The following RGL1 variants were observed in gnomAD, a reference collection of about 807,000 sequenced individuals.
RGL1 encodes the protein ral guanine nucleotide dissociation stimulator-like 1.
RGL1 carries 24 observed loss-of-function variants against 95.2 expected under a neutral mutation model. That is an observed-to-expected ratio of 0.25 (90% CI 0.18 to 0.35). The LOEUF is 0.35. Among genes scored for constraint, RGL1 ranks in the 10% least tolerant of loss-of-function variants. The pLI is 1.00. For missense variants in RGL1, 715 were observed against 936.3 expected (o/e 0.76, Z 3.08); for synonymous variants, 329 against 344.9 (o/e 0.95, Z 0.51).
intron 1 of RGL1, among the ~76,000 whole-genome samples, chr1:183,717,617 A>C (rs1043704284): frequency 6.6e-6 from 1 of 152,202 alleles, no homozygotes; most frequent in African/African-American, 2.4e-5. Flanking sequence ...CCTAAGAGAA[A>C]ATTCTATAGC....
At chr1:183,718,160 C>T (rs1348062609) in intron 1 of RGL1, among the ~76,000 whole-genome samples, 4 of 151,130 alleles carry the variant, frequency 2.6e-5, no homozygotes, top group East Asian at 2.0e-4. Context: ...GCAGGAGAAT[C>T]GCTTGAACCT....
chr1:183,641,753 G>C (rs1243818357), intron 1 of RGL1, among the ~76,000 whole-genome samples: 1 of 150,232 alleles, frequency 6.7e-6, no homozygotes, highest in Non-Finnish European at 1.5e-5. Context: ...GTTTTTGAAA[G>C]TTAGAGTGTG....
At chr1:183,688,423 C>T (rs1653746541) in intron 1 of RGL1, among the ~76,000 whole-genome samples, 1 of 152,018 alleles carries the variant, frequency 6.6e-6, no homozygotes, top group African/African-American at 2.4e-5. Flanking sequence ...GAGCATCCTC[C>T]AGGCTCTCAA....
At chr1:183,822,145 T>C (rs577007535) in intron 2 of RGL1, among the ~76,000 whole-genome samples, 2 of 152,142 alleles carry the variant, frequency 1.3e-5, no homozygotes, top group Non-Finnish European at 2.9e-5. Context: ...ATGGGCCTTG[T>C]ATTTATTCTG....
chr1:183,814,843 G>A (rs1344150724), intron 2 of RGL1, among the ~76,000 whole-genome samples: 1 of 152,178 alleles, frequency 6.6e-6, no homozygotes, highest in Non-Finnish European at 1.5e-5. Flanking sequence ...TGTCACTAAT[G>A]GTGATGGAGC....
chr1:183,855,357 C>A (rs560441235), intron 3 of RGL1, among the ~76,000 whole-genome samples: 1 of 152,308 alleles, frequency 6.6e-6, no homozygotes, highest in East Asian at 1.9e-4. Context: ...CAAATGCTTT[C>A]GTTGCATGAG....
chr1:183,920,980 G>T (rs1452934996), intron 16 of RGL1, among the ~76,000 whole-genome samples: 1 of 152,290 alleles, frequency 6.6e-6, no homozygotes. Flanking sequence ...GGGGGTCGTG[G>T]GGGGCTTTCT....
At chr1:183,733,078 G>A (rs1015685508) in intron 1 of RGL1, among the ~76,000 whole-genome samples, 15 of 152,194 alleles carry the variant, frequency 9.9e-5, no homozygotes, top group Middle Eastern at 3.4e-3. Context: ...ATATGGTACA[G>A]TACACCCTCA....
chr1:183,754,768 A>G (rs1558189446), intron 2 of RGL1: 2 of 152,346 alleles, frequency 1.3e-5, no homozygotes, highest in Non-Finnish European at 1.5e-5. Context: ...TGATGACTCA[A>G]TACTATGGAA....
chr1:183,679,383 C>G (rs1653046521), intron 1 of RGL1, among the ~76,000 whole-genome samples: 1 of 151,640 alleles, frequency 6.6e-6, no homozygotes, highest in Admixed American at 6.6e-5. Context: ...GCTATCCCTC[C>G]CCTTGCCCCC....
chr1:183,713,126 C>T (rs1200334080), intron 1 of RGL1, among the ~76,000 whole-genome samples: 4 of 152,130 alleles, frequency 2.6e-5, no homozygotes, highest in South Asian at 2.1e-4. Flanking sequence ...CCCAGGTTCA[C>T]GTGATTCTCC....
intron 16 of RGL1, among the ~76,000 whole-genome samples, chr1:183,921,301 G>T (rs925377342): frequency 6.6e-6 from 1 of 152,124 alleles, no homozygotes; most frequent in Non-Finnish European, 1.5e-5. Flanking sequence ...TTGATTCTTT[G>T]AGTTTTAATA....
chr1:183,673,796 A>G (rs886854414), intron 1 of RGL1, among the ~76,000 whole-genome samples: 11 of 152,160 alleles, frequency 7.2e-5, no homozygotes, highest in African/African-American at 2.4e-4. Context: ...CCTCTTTTCC[A>G]GATGCCTGCC....
At chr1:183,897,969 G>A in intron 10 of RGL1, 72 bp downstream of exon 10, 1 of 1,271,064 alleles carries the variant, frequency 7.9e-7, no homozygotes, top group Non-Finnish European at 1.1e-6. Context: ...CTCCCACATG[G>A]CACTGGCACC....
In RGL1 at chr1:183,724,499, C is replaced by T. The variant is rs1453778409; in HGVS notation, c.-32-17627C>T. On this transcript the variant is annotated intron_variant, in intron 1 of 18. Coordinates refer to the RGL1 transcript ENST00000304685. This position sits in a 1 kb window ranked among gnomAD's most constrained non-coding sequence, Gnocchi z 4.1. The stretch of plus-strand genomic sequence containing the variant: ...ACAAGCTGACTGGAGATCCCTTGGG[C>T]CTTAAGTGAACATCAGCAGTAGCCT... Among the ~76,000 whole-genome samples the T allele has an allele frequency of 1.3e-5, 2 of 152,056 alleles. No individual in the cohort carries two copies. The highest frequency in any genetic ancestry group is 3.9e-4 in the East Asian group (2 of 5,170).
chr1:183,779,429 A>G (rs1300699423), intron 2 of RGL1, among the ~76,000 whole-genome samples: 1 of 151,958 alleles, frequency 6.6e-6, no homozygotes, highest in African/African-American at 2.4e-5. Context: ...TTGTATATTT[A>G]GTAAAGATGA....
At chr1:183,846,753 G>T (rs905557116) in intron 2 of RGL1, among the ~76,000 whole-genome samples, 2 of 152,036 alleles carry the variant, frequency 1.3e-5, no homozygotes, top group Non-Finnish European at 2.9e-5. Flanking sequence ...GGTGATGGGT[G>T]CCTGTAATCC....
At chr1:183,821,704 G>A (rs75257045) in intron 2 of RGL1, among the ~76,000 whole-genome samples, 2 of 152,116 alleles carry the variant, frequency 1.3e-5, no homozygotes, top group Non-Finnish European at 2.9e-5. Context: ...CAGAGTGAAG[G>A]GTGAACTAAG....
chr1:183,845,569 A>G (rs1316528886), intron 2 of RGL1, among the ~76,000 whole-genome samples: 2 of 152,150 alleles, frequency 1.3e-5, no homozygotes, highest in Non-Finnish European at 2.9e-5. Flanking sequence ...AGACTTTGCA[A>G]GTTTCCAGAA....
Sources: allele counts gnomAD v4.1 joint callset (sites outside exome capture counted in the v4.1 genomes callset), GRCh38; gene constraint gnomAD v4.1.1; non-coding constraint Gnocchi (gnomAD v3.1); transcripts MANE v1.5; gene names NCBI Gene and HGNC (gene_info 2026-07-23, HGNC 2026-07-21).